CCNK: variants seen among roughly 807,000 people sequenced by gnomAD.
CCNK encodes the protein cyclin K.
A neutral mutation model predicts 65.0 loss-of-function variants in CCNK; 9 were observed. That is an observed-to-expected ratio of 0.14 (90% CI 0.08 to 0.24). CCNK has a LOEUF of 0.24. CCNK is among the 10% of genes least tolerant of loss of function. The pLI is 1.00. For missense variants in CCNK, 474 were observed against 720.0 expected, an observed-to-expected ratio of 0.66 and a Z score of 3.91; for synonymous variants, 279 against 270.8, an observed-to-expected ratio of 1.03 and a Z score of -0.30.
Position 99,511,244 on chromosome 14 carries a change from G to C in CCNK, c.*462G>C, listed in dbSNP as rs2139889399. ...TCTCCCATGACACCCAGAAGGGGCAGAAGAACCACATTTTTCATTTATAGA... is the reference window on the plus strand; with the variant it reads ...TCTCCCATGACACCCAGAAGGGGCACAAGAACCACATTTTTCATTTATAGA... On this transcript the variant is annotated 3_prime_UTR_variant, in exon 11 of 11. Coordinates refer to ENST00000389879, the MANE Select transcript of CCNK (RefSeq NM_001099402.2). 6.5e-6 allele frequency: 1 copy of C among 152,836 alleles called. No individual in the cohort carries two copies. Among genetic ancestry groups the C allele is most frequent in the African/African-American group, 2.4e-5 (1 of 41,572 alleles). The allele number at this position is 152,836 out of a possible 1,614,324, so 9.5% of individuals were successfully genotyped here.
At chr14:99,503,395 TTC>T (rs1310922522) in intron 8 of CCNK, 1 of 603,824 alleles carries the variant, frequency 1.7e-6, no homozygotes, top group Admixed American at 2.9e-5. Context: ...AAGCTAGTCA[TTC>T]TGTCTTATTT....
At chr14:99,483,720 G>A (rs985875785) in intron 1 of CCNK, among the ~76,000 whole-genome samples, 11 of 152,244 alleles carry the variant, frequency 7.2e-5, no homozygotes, top group Non-Finnish European at 1.6e-4. Context: ...ATTGGATAAG[G>A]TGTGGTTAGA....
chr14:99,498,054 G>A (rs1896738838), intron 4 of CCNK, among the ~76,000 whole-genome samples: 1 of 152,176 alleles, frequency 6.6e-6, no homozygotes, highest in African/African-American at 2.4e-5. Flanking sequence ...CCCGTCACAG[G>A]GGCAGGTGAA....
chr14:99,501,252 G>GTATT lies in CCNK; in HGVS notation c.518-102_518-99dup, dbSNP rs1476982423. On this transcript the variant is annotated intron_variant, in intron 5 of 10. Coordinates refer to ENST00000389879, the MANE Select transcript of CCNK (RefSeq NM_001099402.2). ...TTCCCACGCAAAAGCTCTTTGCTGTGTATTTGAGTGGTGCTGAACACGTGG... is the reference window on the plus strand; with the variant it reads ...TTCCCACGCAAAAGCTCTTTGCTGTGTATTTATTTGAGTGGTGCTGAACACGTGG... 5.3e-6 allele frequency: 4 copies of GTATT among 759,436 alleles called. No individual in the cohort carries two copies. The Admixed American group carries it at 7.9e-5, about 15-fold the overall frequency. 47.0% of individuals were successfully genotyped at this position (759,436 alleles called of 1,614,324 possible).
At chr14:99,508,699 A>G (rs1345752409) in intron 10 of CCNK, 7 of 152,566 alleles carry the variant, frequency 4.6e-5, no homozygotes, top group Admixed American at 3.9e-4. Flanking sequence ...CAGAGAGGGA[A>G]TGGGGTGCCC....
chr14:99,507,115 A>G lies in CCNK; in HGVS notation c.1085A>G (p.His362Arg). ...AAAATCCCCAAAATTGAGACCACTC[A>G]TCCACCGTTGCCTCCAGCCCACCCA... ...PPKIPKIETT[H>R]PPLPPAHPPP... Residue 362 changes from histidine to arginine, a missense_variant, in exon 10 of 11, where the codon CAT becomes CGT. By Grantham distance (29) the His-to-Arg change is conservative. Transcript: ENST00000389879. 6.2e-7 allele frequency: 1 copy of G among 1,612,648 alleles called. No homozygotes were observed. The highest frequency in any genetic ancestry group is 8.5e-7 in the Non-Finnish European group (1 of 1,178,686).
At chr14:99,485,120 G>C (rs1896451917) in intron 1 of CCNK, among the ~76,000 whole-genome samples, 1 of 152,190 alleles carries the variant, frequency 6.6e-6, no homozygotes, top group Admixed American at 6.5e-5. Context: ...TTTGAGGACT[G>C]TCTCTATTCT....
At chr14:99,503,066 G>C (rs777490086) in intron 8 of CCNK, 82 bp downstream of exon 8, 1 of 1,454,054 alleles carries the variant, frequency 6.9e-7, no homozygotes, top group East Asian at 2.3e-5. Flanking sequence ...ATTTCTAAGC[G>C]AGCACAGGGA....
intron 1 of CCNK, among the ~76,000 whole-genome samples, chr14:99,484,799 G>A (rs1462799430): frequency 6.6e-6 from 1 of 152,242 alleles, no homozygotes; most frequent in Non-Finnish European, 1.5e-5. Context: ...GATATTGGGT[G>A]AGATAATTGA....
At chr14:99,505,688 A>G (rs1206120712) in intron 9 of CCNK, 2 of 152,080 alleles carry the variant, frequency 1.3e-5, no homozygotes, top group Admixed American at 6.5e-5. Flanking sequence ...TGACCCCATC[A>G]CTACACAAAA....
intron 4 of CCNK, among the ~76,000 whole-genome samples, chr14:99,498,174 G>A (rs796286849): frequency 7.9e-5 from 12 of 152,218 alleles, no homozygotes; most frequent in African/African-American, 2.9e-4. Flanking sequence ...AGGGTGCCTT[G>A]GAGAAGCCCC....
chr14:99,488,267 TTC>T (rs1041277878), intron 1 of CCNK, among the ~76,000 whole-genome samples: 11 of 151,048 alleles, frequency 7.3e-5, no homozygotes, highest in Admixed American at 7.2e-4. Flanking sequence ...TGTTTGAAAT[TTC>T]TTTTTTTTAA....
In CCNK at chr14:99,500,737, C is replaced by T. The variant is rs759677002; in HGVS notation, c.412-29C>T. 8 of 1,360,766 alleles carry T rather than the reference C, an allele frequency of 5.9e-6. No homozygotes were observed. The African/African-American group carries it at 8.7e-5, about 15-fold the overall frequency. The allele number at this position is 1,360,766 out of a possible 1,614,324, so 84.3% of individuals were successfully genotyped here. A position where few individuals can be genotyped will look rare whatever the true frequency, so the allele number is the denominator to read the frequency against. ...TGCTTGAGACCTGCAATTGTAATTACTGTCCTAACATTTGTGATTGATTTT... is the reference window on the plus strand; with the variant it reads ...TGCTTGAGACCTGCAATTGTAATTATTGTCCTAACATTTGTGATTGATTTT... On this transcript the variant is annotated intron_variant, in intron 4 of 10. Coordinates refer to ENST00000389879, the MANE Select transcript of CCNK (RefSeq NM_001099402.2).
At chr14:99,497,654 GTC>G (rs1896731008) in intron 4 of CCNK, among the ~76,000 whole-genome samples, 1 of 152,278 alleles carries the variant, frequency 6.6e-6, no homozygotes, top group South Asian at 2.1e-4. Context: ...AGCTTGTATT[GTC>G]TCACAATAGT....
intron 4 of CCNK, 27 bp downstream of exon 4, chr14:99,495,656 T>C (rs1234310836): frequency 1.9e-6 from 3 of 1,588,722 alleles, no homozygotes; most frequent in African/African-American, 1.4e-5. Flanking sequence ...CTTCCTGCCT[T>C]CTGGTCTTGA....
intron 2 of CCNK, chr14:99,493,145 G>A (rs545568997): frequency 1.3e-5 from 6 of 459,530 alleles, no homozygotes; most frequent in Non-Finnish European, 2.3e-5. Context: ...GCTCATGCCT[G>A]TAATCCCAGC....
chr14:99,507,471 G>A (rs1897004053), intron 10 of CCNK: 1 of 296,840 alleles, frequency 3.4e-6, no homozygotes, highest in Non-Finnish European at 6.5e-6. Context: ...AGTCTGAGAT[G>A]GGAAGATCAT....
At chr14:99,503,753 CT>C in intron 9 of CCNK, 109 bp downstream of exon 9, 1 of 917,218 alleles carries the variant, frequency 1.1e-6, no homozygotes, top group Non-Finnish European at 1.7e-6. Flanking sequence ...TAAATCTTAA[CT>C]TTAGAGCTCA....
chr14:99,500,429 G>T (rs1896795746), intron 4 of CCNK: 1 of 193,890 alleles, frequency 5.2e-6, no homozygotes, highest in Non-Finnish European at 1.1e-5. Flanking sequence ...GGTCTTGAAA[G>T]AAATTACAAT....
Sources: allele counts gnomAD v4.1 joint callset (sites outside exome capture counted in the v4.1 genomes callset), GRCh38; gene constraint gnomAD v4.1.1; transcripts MANE v1.5; gene names NCBI Gene and HGNC (gene_info 2026-07-23, HGNC 2026-07-21).